Variants in RNF111 observed in about 807,000 individuals in gnomAD.
The protein encoded by RNF111 is ring finger protein 111.
RNF111 carries 17 observed loss-of-function variants against 95.1 expected under a neutral mutation model. That is an observed-to-expected ratio of 0.18 (90% CI 0.12 to 0.27). RNF111 has a LOEUF of 0.27. RNF111 is among the 10% of genes least tolerant of loss of function. The pLI is 1.00. For missense variants in RNF111, 1,189 were observed against 1,210.4 expected (o/e 0.98, Z 0.26); for synonymous variants, 440 against 414.8 (o/e 1.06, Z -0.74).
chr15:59,038,271 A>T (rs1361973970), intron 2 of RNF111, among the ~76,000 whole-genome samples: 2 of 152,128 alleles, frequency 1.3e-5, no homozygotes, highest in Non-Finnish European at 1.5e-5. Context: ...TCAAACTACA[A>T]ATATCATTTT....
chr15:59,066,667 A>G (rs1212836344), intron 5 of RNF111, 97 bp from the exon 6 acceptor site: 1 of 982,044 alleles, frequency 1.0e-6, no homozygotes, highest in Non-Finnish European at 1.5e-6. Flanking sequence ...ATTACCGAAC[A>G]TTTCTTTAAA....
chr15:59,024,433 G>A (rs1349493846), intron 1 of RNF111, among the ~76,000 whole-genome samples: 2 of 148,476 alleles, frequency 1.3e-5, no homozygotes, highest in Admixed American at 6.9e-5. Flanking sequence ...GAGACGCTTT[G>A]TGTAATAAAT....
chr15:59,091,632 T>G (rs1386879345), intron 12 of RNF111, among the ~76,000 whole-genome samples: 1 of 152,186 alleles, frequency 6.6e-6, no homozygotes, highest in African/African-American at 2.4e-5. Context: ...TTTCTTCTAC[T>G]CTACCCTCAG....
Position 59,010,820 on chromosome 15 carries a change from T to C in RNF111, c.-19-19984T>C, listed in dbSNP as rs1365465955. Among the ~76,000 whole-genome samples the C allele has an allele frequency of 2.0e-5, 3 of 152,182 alleles. No individual in the cohort carries two copies. In the East Asian group the frequency reaches 5.8e-4, roughly 29 times the overall value. The stretch of plus-strand genomic sequence containing the variant: ...AGATGTAGGGAGCTTAGTATTAATG[T>C]TGAAGATTAAAGGAGAGCCTGTGGT... On this transcript the variant is annotated intron_variant, in intron 1 of 13. Transcript: ENST00000348370.
At chr15:59,079,605 C>G (rs1268131235) in intron 7 of RNF111, among the ~76,000 whole-genome samples, 1 of 151,522 alleles carries the variant, frequency 6.6e-6, no homozygotes, top group Non-Finnish European at 1.5e-5. Context: ...TATCAGACTT[C>G]CAAGAACATC....
At position 59,013,675 on chromosome 15, in the gene RNF111, G is replaced by T. The variant is rs1233843599; in HGVS notation, c.-19-17129G>T. 6.6e-5 allele frequency among the ~76,000 whole-genome samples: 10 copies of T among 152,188 alleles called. 1 individual carries two copies. Among genetic ancestry groups the T allele is most frequent in the Admixed American group, 5.9e-4 (9 of 15,276 alleles). On this transcript the variant is annotated intron_variant, in intron 1 of 13. Transcript: ENST00000348370. ...CTTTTCTTGCCTACTTGAGATTGGT[G>T]GGGGAGGGGTTGTTAAGTTTCAACT...
chr15:59,033,329 A>C (rs2041010410), intron 2 of RNF111, among the ~76,000 whole-genome samples: 1 of 152,098 alleles, frequency 6.6e-6, no homozygotes, highest in South Asian at 2.1e-4. Context: ...TTTTTGCCAG[A>C]ACCCTAAACC....
At chr15:59,092,699 G>T in intron 13 of RNF111, 59 bp downstream of exon 13, 1 of 1,485,380 alleles carries the variant, frequency 6.7e-7, no homozygotes, top group Non-Finnish European at 9.1e-7. Flanking sequence ...GATTTTATTT[G>T]AAAAGTAAAT....
intron 13 of RNF111, 103 bp downstream of exon 13, chr15:59,092,743 C>T: frequency 1.7e-6 from 2 of 1,207,798 alleles, no homozygotes; most frequent in Non-Finnish European, 2.2e-6. Flanking sequence ...CGTGTAATTC[C>T]AGCACTTTTT....
At chr15:59,063,620 C>G (rs2094620860) in intron 5 of RNF111, among the ~76,000 whole-genome samples, 1 of 152,160 alleles carries the variant, frequency 6.6e-6, no homozygotes, top group African/African-American at 2.4e-5. Flanking sequence ...GGTAGTAACT[C>G]TCGAATGAGA....
chr15:59,066,661 C>A, intron 5 of RNF111, 103 bp from the exon 6 acceptor site: 1 of 922,354 alleles, frequency 1.1e-6, no homozygotes, highest in Non-Finnish European at 1.6e-6. Context: ...TTTGAAATTA[C>A]CGAACATTTC....
intron 1 of RNF111, among the ~76,000 whole-genome samples, chr15:59,023,184 G>T (rs947677308): frequency 3.3e-5 from 5 of 152,156 alleles, no homozygotes; most frequent in Non-Finnish European, 5.9e-5. Flanking sequence ...GGAGGCGTAG[G>T]TTGCAGTGAG....
At chr15:59,009,908 A>T (rs1314206715) in intron 1 of RNF111, among the ~76,000 whole-genome samples, 3 of 152,294 alleles carry the variant, frequency 2.0e-5, no homozygotes, top group East Asian at 3.9e-4. Flanking sequence ...GTGAGCTGTG[A>T]TCCTGCCATT....
intron 6 of RNF111, among the ~76,000 whole-genome samples, chr15:59,070,579 G>T (rs1389587260): frequency 6.6e-6 from 1 of 152,152 alleles, no homozygotes; most frequent in African/African-American, 2.4e-5. Flanking sequence ...CATTGTATTT[G>T]CCAACTCAAT....
At chr15:59,055,880 A>C (rs758581563) in intron 4 of RNF111, 35 bp downstream of exon 4, 2 of 1,538,622 alleles carry the variant, frequency 1.3e-6, no homozygotes, top group African/African-American at 1.4e-5. Context: ...AAATTATGAA[A>C]GGAGTTTGAT....
At chr15:58,994,162 C>T (rs1394759397) in intron 1 of RNF111, among the ~76,000 whole-genome samples, 1 of 151,258 alleles carries the variant, frequency 6.6e-6, no homozygotes, top group Non-Finnish European at 1.5e-5. Context: ...CTCACCCTCC[C>T]AGGTAGCTGG....
chr15:59,001,376 G>A (rs1253805580), intron 1 of RNF111, among the ~76,000 whole-genome samples: 1 of 152,048 alleles, frequency 6.6e-6, no homozygotes, highest in Non-Finnish European at 1.5e-5. Context: ...CAGGTAACAG[G>A]ATTCTATTGC....
At chr15:59,025,280 C>T (rs565009069) in intron 1 of RNF111, among the ~76,000 whole-genome samples, 4 of 152,206 alleles carry the variant, frequency 2.6e-5, no homozygotes, top group Non-Finnish European at 5.9e-5. Flanking sequence ...AAGGGTCCCA[C>T]TCTTCTTTTC....
At chr15:59,085,118 A>T (rs2078859930) in intron 9 of RNF111, among the ~76,000 whole-genome samples, 1 of 152,244 alleles carries the variant, frequency 6.6e-6, no homozygotes, top group South Asian at 2.1e-4. Context: ...ATCTTGAACC[A>T]CAATGACTTT....
Sources: gnomAD v4.1 joint callset for allele counts (sites outside exome capture counted in the v4.1 genomes callset) on GRCh38, gnomAD v4.1.1 for gene constraint, MANE v1.5 for transcripts, NCBI Gene and HGNC (gene_info 2026-07-23, HGNC 2026-07-21) for gene names.